SHANK1: variants seen among roughly 807,000 people sequenced by gnomAD.
SHANK1 encodes the protein SH3 and multiple ankyrin repeat domains 1.
In SHANK1, 35 loss-of-function variants were observed where a neutral mutation model predicts 165.6. The observed-to-expected ratio is 0.21, with a 90% CI of 0.16 to 0.28. The LOEUF (loss-of-function observed/expected upper bound fraction) is 0.28, where lower values mean the gene tolerates loss of function less well. Among genes scored for constraint, SHANK1 ranks in the 10% least tolerant of loss-of-function variants. The pLI, the probability that SHANK1 is intolerant of heterozygous loss-of-function variation, is 1.00. For synonymous variants in SHANK1, 1,428 were observed against 1,384.8 expected, an observed-to-expected ratio of 1.03 and a Z score of -0.69; for missense variants, 2,681 against 3,036.4, an observed-to-expected ratio of 0.88 and a Z score of 2.75.
intron 19 of SHANK1, among the ~76,000 whole-genome samples, chr19:50,687,223 G>A (rs1354547427): frequency 7.9e-5 from 12 of 151,944 alleles, no homozygotes; most frequent in African/African-American, 2.2e-4. Flanking sequence ...GGAGGGAGGG[G>A]CTCGCTTTCC....
Position 50,670,659 on chromosome 19 carries a change from A to G in SHANK1, c.2674+1359T>C, listed in dbSNP as rs10422204. Among the ~76,000 whole-genome samples, 47,883 of 151,936 alleles carry G rather than the reference A, an allele frequency of 0.32. 8,846 individuals are homozygous for G. The highest frequency in any genetic ancestry group is 0.52 in the African/African-American group (21,442 of 41,436). ...AGTGCTCACTTGGCCCCTGCTACAC[A>G]GGCCTCCTCCCTGTTCTGTAAACGC... On this transcript the variant is annotated intron_variant, in intron 22 of 23. Coordinates refer to ENST00000293441, the MANE Select transcript of SHANK1 (RefSeq NM_016148.5). The surrounding 1 kb of genome is among the most constrained non-coding windows in gnomAD (Gnocchi z 4.1).
At chr19:50,703,096 C>T (rs1028952513) in intron 11 of SHANK1, among the ~76,000 whole-genome samples, 1 of 152,084 alleles carries the variant, frequency 6.6e-6, no homozygotes, top group Non-Finnish European at 1.5e-5. Flanking sequence ...GCCAGGTGGG[C>T]TTCCTGACCC....
rs2089069994 is a variant in SHANK1, at chr19:50,716,386, G to A, written c.348C>T (p.Asn116=). The A allele has an allele frequency of 1.2e-6, 2 of 1,614,112 alleles. No homozygotes were observed. Among genetic ancestry groups the A allele is most frequent in the Admixed American group, 1.7e-5 (1 of 60,004 alleles). Residue 116 remains asparagine (N), a synonymous_variant, in exon 3 of 24, where the codon AAC becomes AAT. Transcript: ENST00000293441. The surrounding 1 kb of genome is among the most constrained non-coding windows in gnomAD (Gnocchi z 8.4). The part of the protein sequence containing the change: ...ALSESLQDVL[N]YGLFQPATSG... Reference sequence around the variant, plus strand: ...AGGTGGCCGGTTGGAACAGGCCATAGTTGAGCACATCCTGCAGGCTCTCGC... The same window carrying A: ...AGGTGGCCGGTTGGAACAGGCCATAATTGAGCACATCCTGCAGGCTCTCGC...
intron 15 of SHANK1, among the ~76,000 whole-genome samples, chr19:50,696,214 C>A (rs1383924999): frequency 6.6e-6 from 1 of 152,144 alleles, no homozygotes; most frequent in Admixed American, 6.5e-5. Flanking sequence ...AAGGAGAGAC[C>A]CAGAGAGACA....
intron 10 of SHANK1, 129 bp from the exon 11 acceptor site, chr19:50,703,959 G>A (rs1480086755): frequency 1.1e-5 from 8 of 716,288 alleles, no homozygotes; most frequent in Non-Finnish European, 1.9e-5. Flanking sequence ...AGGGAGGGGG[G>A]CCTGGAATTG....
rs538668477 is a variant in SHANK1 at position 50,667,458 on chromosome 19, C to G, written c.4502G>C (p.Arg1501Pro). The G allele has an allele frequency of 1.3e-6, 2 of 1,527,162 alleles. No homozygotes were observed. The highest frequency in any genetic ancestry group is 1.4e-5 in the African/African-American group (1 of 72,378). The allele number at this position is 1,527,162 out of a possible 1,614,324, so 94.6% of individuals were successfully genotyped here. Residue 1501 changes from arginine to proline, a missense_variant, in exon 23 of 24, where the codon CGG becomes CCG. By Grantham distance (103) the Arg-to-Pro change is moderately radical. Transcript: ENST00000293441. This position sits in a 1 kb window ranked among gnomAD's most constrained non-coding sequence, Gnocchi z 5.7. The stretch of plus-strand genomic sequence containing the variant: ...ACCCCTTCCGCTCGTCACAGGGGCC[C>G]GGGGCTGGCAGTTTTCAAGGAACCG... ...HVRFLENCQP[R>P]APVTSGRGPP... is the part of the protein sequence containing the mutation.
rs772785292 is a variant in SHANK1, at chr19:50,713,770, C to G, written c.792+28G>C. 7 of 1,609,582 alleles carry G rather than the reference C, an allele frequency of 4.3e-6. No homozygotes were observed. Among genetic ancestry groups the G allele is most frequent in the African/African-American group, 2.7e-5 (2 of 74,776 alleles). ...GGGAAAAGGAGAGAGGGCCCCATGGCGGGGATGGGGGGTCCCCGAAGCCTC... is the reference window on the plus strand; with the variant it reads ...GGGAAAAGGAGAGAGGGCCCCATGGGGGGGATGGGGGGTCCCCGAAGCCTC... On this transcript the variant is annotated intron_variant, in intron 6 of 23. Coordinates refer to ENST00000293441, the MANE Select transcript of SHANK1 (RefSeq NM_016148.5). This position sits in a 1 kb window ranked among gnomAD's most constrained non-coding sequence, Gnocchi z 6.2.
chr19:50,715,353 G>A (rs1329063371), intron 4 of SHANK1, among the ~76,000 whole-genome samples: 2 of 152,014 alleles, frequency 1.3e-5, no homozygotes, highest in African/African-American at 4.8e-5. Flanking sequence ...GGATGGATAT[G>A]GGGGGAGGCA....
In SHANK1 at chr19:50,668,839, G is replaced by A; in HGVS notation, c.3121C>T (p.Leu1041=). ...CCTCGCAGGCTGGGCTGGGGCCCCA[G>A]AGCCAGGCGGGGTGGAGGGTCGTCG... ...SPDDPPPRLA[L]GPQPSLRGWR... is the part of the protein sequence containing the mutation. The change falls in exon 23 of 24, where the codon CTG becomes TTG. Residue 1041 remains leucine (L), a synonymous_variant. Coordinates refer to ENST00000293441, the MANE Select transcript of SHANK1 (RefSeq NM_016148.5). 1 of 1,280,074 alleles carries A rather than the reference G, an allele frequency of 7.8e-7. No homozygotes were observed. Among genetic ancestry groups the A allele is most frequent in the Non-Finnish European group, 9.8e-7 (1 of 1,019,104 alleles). The allele number at this position is 1,280,074 out of a possible 1,614,324, so 79.3% of individuals were successfully genotyped here.
chr19:50,699,679 G>T (rs1276626191), intron 12 of SHANK1, among the ~76,000 whole-genome samples: 1 of 152,002 alleles, frequency 6.6e-6, no homozygotes, highest in Non-Finnish European at 1.5e-5. Context: ...GGCATTGGGG[G>T]ATTGGAAGGC....
chr19:50,668,320 C>A lies in SHANK1; in HGVS notation c.3640G>T (p.Val1214Leu). Residue 1214 changes from valine to leucine, a missense_variant, in exon 23 of 24, where the codon GTG (valine) becomes TTG (leucine). Coordinates refer to ENST00000293441, the MANE Select transcript of SHANK1 (RefSeq NM_016148.5). ...MSPVPPSPSP[V>L]PTPASPSGPA... ...CCGCTGGGCGAGGCGGGGGTGGGCA[C>A]GGGCGAGGGGGACGGGGGCACGGGT... 1 of 1,252,820 alleles carries A rather than the reference C, an allele frequency of 8.0e-7. No homozygotes were observed. The highest frequency in any genetic ancestry group is 1.0e-6 in the Non-Finnish European group (1 of 994,586). The allele number at this position is 1,252,820 out of a possible 1,614,324, so 77.6% of individuals were successfully genotyped here.
At chr19:50,703,417 G>C in intron 11 of SHANK1, 83 bp downstream of exon 11, 2 of 1,201,138 alleles carry the variant, frequency 1.7e-6, no homozygotes, top group Non-Finnish European at 2.3e-6. Flanking sequence ...GAAGGCAGCT[G>C]GGCTGGCCTC....
chr19:50,664,740 T>A (rs1202452434), intron 23 of SHANK1, among the ~76,000 whole-genome samples: 2 of 152,032 alleles, frequency 1.3e-5, no homozygotes, highest in African/African-American at 4.8e-5. Context: ...CAGGTCTCAC[T>A]CCAGTCTCCT....
At chr19:50,671,434 C>T (rs987048252) in intron 22 of SHANK1, among the ~76,000 whole-genome samples, 8 of 151,662 alleles carry the variant, frequency 5.3e-5, no homozygotes, top group Middle Eastern at 6.8e-3. Context: ...CTGCCTGCCT[C>T]GGCCTCCCAA....
In SHANK1 at chr19:50,659,477, G is replaced by C. The variant is rs1438604765; in HGVS notation, c.*2488C>G. On this transcript the variant is annotated 3_prime_UTR_variant, in exon 24 of 24. Transcript: ENST00000293441. ...ATGAACTGAAGCCCGCGAAAGGGAA[G>C]ACCTGGGCACCGGGGCTTTCAGCGC... 6.6e-6 allele frequency among the ~76,000 whole-genome samples: 1 copy of C among 151,874 alleles called. No individual in the cohort carries two copies. The highest frequency in any genetic ancestry group is 2.4e-5 in the African/African-American group (1 of 41,360).
In SHANK1 at chr19:50,666,494, G is replaced by A. The variant is rs929773606; in HGVS notation, c.5466C>T (p.Val1822=). The A allele has an allele frequency of 1.9e-6, 3 of 1,594,934 alleles. No individual in the cohort carries two copies. Among genetic ancestry groups the A allele is most frequent in the Non-Finnish European group, 1.7e-6 (2 of 1,173,382 alleles). Reference sequence around the variant, plus strand: ...AGGCCGTCGGCAAGGGCACCGGTGGGACTTCTGGCTCTACAGCCACCGGAC... The same window carrying A: ...AGGCCGTCGGCAAGGGCACCGGTGGAACTTCTGGCTCTACAGCCACCGGAC... ...AGGPVAVEPE[V]PPVPLPTASS... Residue 1822 remains valine, a synonymous_variant, in exon 23 of 24, where the codon GTC becomes GTT. Coordinates refer to ENST00000293441, the MANE Select transcript of SHANK1 (RefSeq NM_016148.5).
At chr19:50,674,758 C>T (rs1004970176) in intron 21 of SHANK1, among the ~76,000 whole-genome samples, 2 of 151,924 alleles carry the variant, frequency 1.3e-5, no homozygotes, top group Admixed American at 6.6e-5. Flanking sequence ...TCTGTCTCTA[C>T]AAAAATAAAA....
chr19:50,711,456 TC>T lies in SHANK1; in HGVS notation c.991del (p.Glu331SerfsTer45). On this transcript the variant is annotated frameshift_variant, in exon 8 of 24. Transcript: ENST00000293441. LOFTEE classifies it high-confidence loss of function. The stretch of plus-strand genomic sequence containing the variant: ...CTCAGCCCCGTAGAAAAGCAGATGC[TC>T]CAGGTGCTGAGAGTGACCCCGCTGG... ...ACQRGHSQHLEHLLFYGAEPG... is the reference protein window; with the variant it reads ...ACQRGHSQHLXHLLFYGAEPG... 6.4e-7 allele frequency: 1 copy of T among 1,570,236 alleles called. No individual in the cohort carries two copies. Among genetic ancestry groups the T allele is most frequent in the Non-Finnish European group, 8.6e-7 (1 of 1,157,880 alleles).
intron 21 of SHANK1, among the ~76,000 whole-genome samples, chr19:50,681,019 C>A (rs763428716): frequency 3.3e-5 from 5 of 151,938 alleles, no homozygotes; most frequent in Non-Finnish European, 5.9e-5. Context: ...ATCCAAGAAG[C>A]CTCGGGGGGT....
Sources: allele counts gnomAD v4.1 joint callset (sites outside exome capture counted in the v4.1 genomes callset), GRCh38; gene constraint gnomAD v4.1.1; non-coding constraint Gnocchi (gnomAD v3.1); transcripts MANE v1.5; gene names NCBI Gene and HGNC (gene_info 2026-07-23, HGNC 2026-07-21).